PIGF: variants seen among roughly 807,000 people sequenced by gnomAD.
The protein encoded by PIGF is GPI ethanolamine phosphate transferase, stabilizing subunit.
Under a neutral mutation model 26.0 loss-of-function variants are expected in PIGF, and 23 were observed. The ratio of observed to expected loss-of-function variants is 0.88; its 90% CI spans 0.64 to 1.25. The LOEUF (loss-of-function observed/expected upper bound fraction) is 1.25. PIGF is among the 50% of genes most tolerant of loss of function. The pLI, the probability that PIGF is intolerant of heterozygous loss-of-function variation, is 0.00. For missense variants in PIGF, 278 were observed against 249.9 expected (o/e 1.11, Z -0.76); for synonymous variants, 93 against 92.6 (o/e 1.00, Z -0.03).
At chr2:46,593,898 A>C (rs186835895) in intron 4 of PIGF, among the ~76,000 whole-genome samples, 10 of 152,256 alleles carry the variant, frequency 6.6e-5, no homozygotes, top group Non-Finnish European at 1.2e-4. Context: ...AAGTCAGTTC[A>C]CAAACCAATC....
chr2:46,598,529 A>ATTTTTTT lies in PIGF; in HGVS notation c.438-5953_438-5947dup, dbSNP rs747263045. On this transcript the variant is annotated intron_variant, in intron 4 of 5. Transcript: ENST00000281382. The stretch of plus-strand genomic sequence containing the variant: ...ATAAACTTTCTTAAAACATTATGAG[A>ATTTTTTT]TTTTTTTTTTTTTTTTTTTTTTTTA... Among the ~76,000 whole-genome samples the ATTTTTTT allele has an allele frequency of 1.3e-4, 13 of 103,508 alleles. 1 individual carries two copies. The highest frequency in any genetic ancestry group is 4.5e-4 in the African/African-American group (10 of 22,404). 67.9% of individuals were successfully genotyped at this position (103,508 alleles called of 152,430 possible). A position where few individuals can be genotyped will look rare whatever the true frequency, so the allele number is the denominator to read the frequency against.
chr2:46,602,072 GAATT>G (rs1481388526), intron 4 of PIGF, among the ~76,000 whole-genome samples: 3 of 151,822 alleles, frequency 2.0e-5, no homozygotes, highest in African/African-American at 7.2e-5. Flanking sequence ...TGCAATAACT[GAATT>G]AAATTAGTAC....
Position 46,615,010 on chromosome 2 carries a change from G to A in PIGF, c.155C>T (p.Thr52Ile). The change falls in exon 2 of 6, where the codon ACT (threonine) becomes ATT (isoleucine). Residue 52 changes from threonine (T) to isoleucine (I), a missense_variant. Thr to Ile is a moderately conservative substitution (Grantham distance 89, BLOSUM62 -1). Coordinates refer to ENST00000281382, the MANE Select transcript of PIGF (RefSeq NM_002643.4). ...TAAATATAGTACTAGATTGACAGCA[G>A]TTACAAAACCAGAACAGATGCACAA... ...TWLCICSGFVTAVNLVLYLVV... is the reference protein window; with the variant it reads ...TWLCICSGFVIAVNLVLYLVV... The A allele has an allele frequency of 2.5e-6, 4 of 1,609,156 alleles. No individual in the cohort carries two copies. The highest frequency in any genetic ancestry group is 3.4e-6 in the Non-Finnish European group (4 of 1,175,572).
Position 46,588,291 on chromosome 2 carries a change from C to T in PIGF, c.546+4184G>A. The stretch of plus-strand genomic sequence containing the variant: ...ACAGTCCACTCTACCAACTGAAAGA[C>T]TGCTGGGCAGAAAAAATAAAACAAC... On this transcript the variant is annotated intron_variant, in intron 5 of 5. Coordinates refer to ENST00000281382, the MANE Select transcript of PIGF (RefSeq NM_002643.4). The surrounding 1 kb of genome is among the most constrained non-coding windows in gnomAD (Gnocchi z 4.1). 7.5e-7 allele frequency: 1 copy of T among 1,329,532 alleles called. No individual in the cohort carries two copies. Among genetic ancestry groups the T allele is most frequent in the East Asian group, 2.6e-5 (1 of 38,814 alleles). The allele number at this position is 1,329,532 out of a possible 1,614,324, so 82.4% of individuals were successfully genotyped here. A position where few individuals can be genotyped will look rare whatever the true frequency, so the allele number is the denominator to read the frequency against.
chr2:46,616,756 C>T (rs1314167050), intron 1 of PIGF: 2 of 171,840 alleles, frequency 1.2e-5, no homozygotes, highest in African/African-American at 4.8e-5. Context: ...GATCAAAGAG[C>T]ATGGGAGTTG....
At chr2:46,613,820 T>C (rs766477562) in intron 2 of PIGF, 35 bp from the exon 3 acceptor site, 51 of 1,492,360 alleles carry the variant, frequency 3.4e-5, no homozygotes, top group Non-Finnish European at 3.9e-5. Context: ...AGATTCAAGA[T>C]AATGCTTAAA....
chr2:46,605,854 T>A (rs2104119475), intron 4 of PIGF, among the ~76,000 whole-genome samples: 1 of 152,302 alleles, frequency 6.6e-6, no homozygotes, highest in Non-Finnish European at 1.5e-5. Flanking sequence ...ACTAGATTGC[T>A]CTGAGAAACT....
At chr2:46,600,478 A>G (rs367561190) in intron 4 of PIGF, among the ~76,000 whole-genome samples, 8 of 152,186 alleles carry the variant, frequency 5.3e-5, no homozygotes, top group African/African-American at 1.7e-4. Flanking sequence ...AGTTAAATAA[A>G]TCATGGTACA....
rs181577303 is a variant in PIGF, at chr2:46,586,835, C to T, written c.547-5244G>A. ...AGGAATACATGCACAAATGAATCTACTCATTGGGATACATTTCTCTAGTTA... is the reference window on the plus strand; with the variant it reads ...AGGAATACATGCACAAATGAATCTATTCATTGGGATACATTTCTCTAGTTA... On this transcript the variant is annotated intron_variant, in intron 5 of 5. Transcript: ENST00000281382. Among the ~76,000 whole-genome samples the T allele has an allele frequency of 2.1e-3, 326 of 152,258 alleles. 3 individuals carry two copies. Among genetic ancestry groups the T allele is most frequent in the Middle Eastern group, 3.4e-3 (1 of 294 alleles).
At position 46,616,961 on chromosome 2, in the gene PIGF, G is replaced by C. The variant is rs1211062556; in HGVS notation, c.-22+9C>G. On this transcript the variant is annotated intron_variant, in intron 1 of 5. Coordinates refer to ENST00000281382, the MANE Select transcript of PIGF (RefSeq NM_002643.4). ...AGGCGAGACGCCGAGGGCGTCCAGC[G>C]GGGCTTACCTAACTCTCCCTCCCGC... 5.9e-6 allele frequency: 3 copies of C among 507,686 alleles called. No homozygotes were observed. Among genetic ancestry groups the C allele is most frequent in the African/African-American group, 2.0e-5 (1 of 50,668 alleles). The allele number at this position is 507,686 out of a possible 1,614,324, so 31.4% of individuals were successfully genotyped here. A position where few individuals can be genotyped will look rare whatever the true frequency, so the allele number is the denominator to read the frequency against.
chr2:46,597,179 G>T (rs1214785818), intron 4 of PIGF, among the ~76,000 whole-genome samples: 2 of 152,138 alleles, frequency 1.3e-5, no homozygotes, highest in East Asian at 3.9e-4. Flanking sequence ...AGTTCTTTTG[G>T]ATCTGCTCTT....
At chr2:46,611,674 T>C (rs1477570958) in intron 4 of PIGF, among the ~76,000 whole-genome samples, 1 of 152,182 alleles carries the variant, frequency 6.6e-6, no homozygotes, top group Non-Finnish European at 1.5e-5. Context: ...TTTAAATGAC[T>C]TTCAAGAAGC....
intron 4 of PIGF, among the ~76,000 whole-genome samples, chr2:46,599,348 C>T (rs1020142941): frequency 6.6e-6 from 1 of 152,024 alleles, no homozygotes; most frequent in Non-Finnish European, 1.5e-5. Flanking sequence ...CTGGAGAATC[C>T]CTTCATTTGT....
chr2:46,596,559 T>C (rs1669891726), intron 4 of PIGF, among the ~76,000 whole-genome samples: 1 of 152,036 alleles, frequency 6.6e-6, no homozygotes, highest in South Asian at 2.1e-4. Flanking sequence ...ATTAAACTAA[T>C]AATAAAAATA....
chr2:46,593,813 G>T (rs1277117023), intron 4 of PIGF, among the ~76,000 whole-genome samples: 1 of 152,186 alleles, frequency 6.6e-6, no homozygotes, highest in Non-Finnish European at 1.5e-5. Context: ...TTTGTTAGAT[G>T]ATTTATTTAA....
chr2:46,588,344 A>G lies in PIGF; in HGVS notation c.546+4131T>C. The G allele has an allele frequency of 1.1e-6, 1 of 876,128 alleles. No individual in the cohort carries two copies. The highest frequency in any genetic ancestry group is 1.7e-5 in the African/African-American group (1 of 57,970). The allele number at this position is 876,128 out of a possible 1,614,324, so 54.3% of individuals were successfully genotyped here. On this transcript the variant is annotated intron_variant, in intron 5 of 5. Coordinates refer to ENST00000281382, the MANE Select transcript of PIGF (RefSeq NM_002643.4). The surrounding 1 kb of genome is among the most constrained non-coding windows in gnomAD (Gnocchi z 4.1). ...ACTGAGACAATTAACATATTCTCTA[A>G]TATATGAGAACTCAAATAAATCATG...
At position 46,592,704 on chromosome 2, in the gene PIGF, C is replaced by T. The variant is rs556985668; in HGVS notation, c.438-121G>A. On this transcript the variant is annotated intron_variant, in intron 4 of 5. Coordinates refer to ENST00000281382, the MANE Select transcript of PIGF (RefSeq NM_002643.4). ...TCCTGCTAATTTAAAATGAAAATCT[C>T]AAAATGACATATACATATTTACCAT... 7.8e-5 allele frequency: 47 copies of T among 604,360 alleles called. 1 individual carries two copies. Among genetic ancestry groups the T allele is most frequent in the African/African-American group, 7.0e-4 (38 of 54,116 alleles). The allele number at this position is 604,360 out of a possible 1,614,324, so 37.4% of individuals were successfully genotyped here.
rs998187683 is a variant in PIGF at position 46,589,718 on chromosome 2, G to T, written c.546+2757C>A. 3.9e-5 allele frequency among the ~76,000 whole-genome samples: 6 copies of T among 151,936 alleles called. No individual in the cohort carries two copies. The highest frequency in any genetic ancestry group is 1.4e-4 in the African/African-American group (6 of 41,400). On this transcript the variant is annotated intron_variant, in intron 5 of 5. Coordinates refer to ENST00000281382, the MANE Select transcript of PIGF (RefSeq NM_002643.4). The surrounding 1 kb of genome is among the most constrained non-coding windows in gnomAD (Gnocchi z 4.7). ...AGTGTATACTGTATTGTCTTCTCAT[G>T]AAATTTTGCTCTAACAACATCTCCA...
intron 4 of PIGF, among the ~76,000 whole-genome samples, chr2:46,604,405 C>A (rs1225348763): frequency 5.3e-5 from 8 of 151,780 alleles, no homozygotes; most frequent in Admixed American, 5.3e-4. Context: ...AGCTGGACTC[C>A]CATGTTTATT....
Sources: allele counts gnomAD v4.1 joint callset (sites outside exome capture counted in the v4.1 genomes callset), GRCh38; gene constraint gnomAD v4.1.1; non-coding constraint Gnocchi (gnomAD v3.1); transcripts MANE v1.5; gene names NCBI Gene and HGNC (gene_info 2026-07-23, HGNC 2026-07-21).